KLF13: variants seen among roughly 807,000 people sequenced by gnomAD.
KLF13 encodes KLF transcription factor 13.
KLF13 carries 8 observed loss-of-function variants against 16.7 expected under a neutral mutation model. That is an observed-to-expected ratio of 0.48 (90% confidence interval 0.28 to 0.87). The LOEUF (loss-of-function observed/expected upper bound fraction) is 0.87. Ranked by LOEUF, KLF13 falls within the 40% of genes least tolerant of loss-of-function variation. KLF13 has a pLI of 0.10. For synonymous variants in KLF13, 245 were observed against 208.4 expected (o/e 1.18, Z -1.51); for missense variants, 447 against 452.2 (o/e 0.99, Z 0.10).
At chr15:31,336,342 A>T (rs187750145) in intron 1 of KLF13, among the ~76,000 whole-genome samples, 150 of 152,260 alleles carry the variant, frequency 9.9e-4, no homozygotes, top group African/African-American at 3.5e-3. Flanking sequence ...TTGTGCTTCC[A>T]TATGTGGGTC....
At chr15:31,340,188 T>G (rs545331384) in intron 1 of KLF13, among the ~76,000 whole-genome samples, 1 of 152,376 alleles carries the variant, frequency 6.6e-6, no homozygotes, top group Non-Finnish European at 1.5e-5. Flanking sequence ...TGGGCTGGGC[T>G]GCCTTGTGGG....
At chr15:31,396,984 A>T (rs1291442115) in intron 2 of KLF13, among the ~76,000 whole-genome samples, 1 of 152,096 alleles carries the variant, frequency 6.6e-6, no homozygotes, top group South Asian at 2.1e-4. Flanking sequence ...TAGTTAAGTC[A>T]GATCTCGTTC....
At chr15:31,368,579 G>C (rs974745832) in intron 1 of KLF13, among the ~76,000 whole-genome samples, 1 of 152,156 alleles carries the variant, frequency 6.6e-6, no homozygotes, top group African/African-American at 2.4e-5. Context: ...CCCAAGCCAG[G>C]CGTGTGGCTC....
chr15:31,429,330 A>T (rs2040440518), intron 1 of KLF13, among the ~76,000 whole-genome samples: 1 of 152,230 alleles, frequency 6.6e-6, no homozygotes, highest in Admixed American at 6.5e-5. Flanking sequence ...AATAAGCCAG[A>T]TACAAAAGGG....
chr15:31,413,209 A>AAAAAAAAAAAAAAAAAAAAC, intron 1 of KLF13, among the ~76,000 whole-genome samples: 1 of 150,728 alleles, frequency 6.6e-6, no homozygotes, highest in South Asian at 2.1e-4. Flanking sequence ...AAAACAAAAA[A>AAAAAAAAAAAAAAAAAAAAC]CAAAAAAACC....
At chr15:31,329,374 G>A (rs2038785721) in intron 1 of KLF13, among the ~76,000 whole-genome samples, 1 of 152,154 alleles carries the variant, frequency 6.6e-6, no homozygotes. Flanking sequence ...ATCCGCTTTG[G>A]GGGATGATGC....
chr15:31,329,461 C>A (rs2038787621), intron 1 of KLF13, among the ~76,000 whole-genome samples: 1 of 152,016 alleles, frequency 6.6e-6, no homozygotes, highest in Non-Finnish European at 1.5e-5. Context: ...CTCGGCAGCA[C>A]CGGTAGCGGG....
chr15:31,353,261 G>T (rs1037164946), intron 1 of KLF13, among the ~76,000 whole-genome samples: 1 of 152,192 alleles, frequency 6.6e-6, no homozygotes, highest in Non-Finnish European at 1.5e-5. Context: ...GTTTACAGCC[G>T]CCTGTGCTGG....
chr15:31,362,717 T>C (rs1566817616), intron 1 of KLF13, among the ~76,000 whole-genome samples: 1 of 152,222 alleles, frequency 6.6e-6, no homozygotes, highest in Non-Finnish European at 1.5e-5. Flanking sequence ...CTGTTCTCCA[T>C]CTGCTCAGTG....
intron 1 of KLF13, chr15:31,419,989 G>A (rs916896594): frequency 1.3e-5 from 4 of 300,364 alleles, no homozygotes; most frequent in Non-Finnish European, 2.6e-5. Flanking sequence ...ATTATCAGCT[G>A]ATTTCTCAGC....
chr15:31,346,550 A>T (rs1484911990), intron 1 of KLF13, among the ~76,000 whole-genome samples: 1 of 152,174 alleles, frequency 6.6e-6, no homozygotes, highest in East Asian at 1.9e-4. Flanking sequence ...TCCAGGCCAG[A>T]GCCCCAAGGC....
intron 1 of KLF13, among the ~76,000 whole-genome samples, chr15:31,354,908 A>G (rs1230236403): frequency 1.3e-5 from 2 of 152,134 alleles, no homozygotes; most frequent in Non-Finnish European, 2.9e-5. Context: ...GATACGTCTA[A>G]TTTTCATACT....
chr15:31,361,653 C>A (rs2039390149), intron 1 of KLF13, among the ~76,000 whole-genome samples: 1 of 152,110 alleles, frequency 6.6e-6, no homozygotes, highest in South Asian at 2.1e-4. Flanking sequence ...GCTCTGCAGA[C>A]AGGGGCCCCT....
chr15:31,390,851 C>A (rs574512972), upstream of KLF13, among the ~76,000 whole-genome samples: 2 of 151,976 alleles, frequency 1.3e-5, no homozygotes, highest in African/African-American at 4.8e-5. Flanking sequence ...CTGGTCTGCT[C>A]CCTGAGCTGA....
chr15:31,385,673 G>A (rs998709312), intron 1 of KLF13, among the ~76,000 whole-genome samples: 1 of 152,194 alleles, frequency 6.6e-6, no homozygotes, highest in Non-Finnish European at 1.5e-5. Context: ...ATTGATAAAT[G>A]TGTGTGTTCT....
chr15:31,407,344 C>T (rs2040141601), downstream of KLF13, among the ~76,000 whole-genome samples: 1 of 151,976 alleles, frequency 6.6e-6, no homozygotes, highest in South Asian at 2.1e-4. Flanking sequence ...GAGAAAGGAT[C>T]AATACCTGGG....
chr15:31,404,267 G>A (rs1005848007), exon 3 of KLF13: 1 of 152,242 alleles, frequency 6.6e-6, no homozygotes, highest in African/African-American at 2.4e-5. Context: ...TATGTGGCAG[G>A]GAGAAGGGTA....
At chr15:31,405,020 T>C (rs1299457551), downstream of KLF13, among the ~76,000 whole-genome samples, 1 of 152,158 alleles carries the variant, frequency 6.6e-6, no homozygotes, top group African/African-American at 2.4e-5. Flanking sequence ...AATGATATGC[T>C]TATGCTGTAG....
At chr15:31,346,893 A>C (rs1364401540) in intron 1 of KLF13, among the ~76,000 whole-genome samples, 1 of 152,106 alleles carries the variant, frequency 6.6e-6, no homozygotes, top group Non-Finnish European at 1.5e-5. Context: ...GGGGAGATGC[A>C]GACTGGACGT....
Sources: gnomAD v4.1 joint callset for allele counts (sites outside exome capture counted in the v4.1 genomes callset) on GRCh38, gnomAD v4.1.1 for gene constraint, MANE v1.5 for transcripts, NCBI Gene and HGNC (gene_info 2026-07-23, HGNC 2026-07-21) for gene names.